ELMO1: variants seen among roughly 807,000 people sequenced by gnomAD.
ELMO1 encodes the protein engulfment and cell motility protein 1.
Under a neutral mutation model 98.9 loss-of-function variants are expected in ELMO1, and 26 were observed. The ratio of observed to expected loss-of-function variants is 0.26; its 90% confidence interval spans 0.19 to 0.36. The LOEUF (loss-of-function observed/expected upper bound fraction) is 0.36, where lower values mean the gene tolerates loss of function less well. ELMO1 is among the 10% of genes least tolerant of loss of function. The pLI, the probability that ELMO1 is intolerant of heterozygous loss-of-function variation, is 1.00. For missense variants in ELMO1, 627 were observed against 935.2 expected (o/e 0.67, Z 4.30); for synonymous variants, 346 against 346.0 (o/e 1.00, Z 0.00).
In ELMO1 at chr7:37,083,900, G is replaced by A. The variant is rs570190304; in HGVS notation, c.1300+12719C>T. Among the ~76,000 whole-genome samples the A allele has an allele frequency of 1.1e-4, 16 of 152,296 alleles. No homozygotes were observed. The South Asian group carries it at 3.3e-3, about 32-fold the overall frequency. On this transcript the variant is annotated intron_variant, in intron 15 of 21. Transcript: ENST00000310758. ...TTACTGGCCTCTCGGAGTCCTCACTGGAGTCCTGCCTAGAACAGAGATTGA... is the reference window on the plus strand; with the variant it reads ...TTACTGGCCTCTCGGAGTCCTCACTAGAGTCCTGCCTAGAACAGAGATTGA...
At chr7:37,445,116 C>T (rs1484043008) in intron 1 of ELMO1, among the ~76,000 whole-genome samples, 1 of 152,188 alleles carries the variant, frequency 6.6e-6, no homozygotes, top group East Asian at 1.9e-4. Flanking sequence ...CCACTCTTCT[C>T]TTTCACATTT....
At chr7:36,917,734 C>T (rs1784812864) in intron 16 of ELMO1, among the ~76,000 whole-genome samples, 1 of 152,212 alleles carries the variant, frequency 6.6e-6, no homozygotes, top group South Asian at 2.1e-4. Flanking sequence ...CAGGATCCAA[C>T]TCCTGGACAC....
Position 37,403,341 on chromosome 7 carries a change from G to T in ELMO1, c.-74+45334C>A, listed in dbSNP as rs116124358. The stretch of plus-strand genomic sequence containing the variant: ...GAGAGGGTGAGGTAGGAGGATCACT[G>T]GAAGCCAAGGTTTGAGACCAGCCTG... On this transcript the variant is annotated intron_variant, in intron 1 of 21. Coordinates refer to ENST00000310758, the MANE Select transcript of ELMO1 (RefSeq NM_014800.11). Among the ~76,000 whole-genome samples the T allele has an allele frequency of 8.3e-3, 1,265 of 152,164 alleles. 25 individuals carry two copies. The highest frequency in any genetic ancestry group is 0.029 in the African/African-American group (1,198 of 41,488).
chr7:37,017,955 C>T (rs1794039038), intron 15 of ELMO1, among the ~76,000 whole-genome samples: 1 of 152,006 alleles, frequency 6.6e-6, no homozygotes, highest in African/African-American at 2.4e-5. Flanking sequence ...TGTGATGCCC[C>T]CTAGCGTGCC....
chr7:36,877,290 T>C (rs1804061375), intron 19 of ELMO1, among the ~76,000 whole-genome samples: 1 of 152,228 alleles, frequency 6.6e-6, no homozygotes, highest in Non-Finnish European at 1.5e-5. Context: ...GTTCATTTTA[T>C]CTCATTTCTC....
intron 16 of ELMO1, among the ~76,000 whole-genome samples, chr7:36,936,307 A>G (rs1786523601): frequency 6.6e-6 from 1 of 152,082 alleles, no homozygotes; most frequent in African/African-American, 2.4e-5. Context: ...CCCCCTTACT[A>G]GCCACTGAGC....
chr7:37,079,592 CCACTCCGGTGAAATCACTCTTGT>C (rs1797756131), intron 15 of ELMO1, among the ~76,000 whole-genome samples: 1 of 152,160 alleles, frequency 6.6e-6, no homozygotes, highest in African/African-American at 2.4e-5. Flanking sequence ...CTCTCCTCCC[CCACTCCGGTGAAATCACTCTTGT>C]TCAGGTCACC....
chr7:37,222,764 T>C (rs751462104), intron 9 of ELMO1, 71 bp from the exon 10 acceptor site: 762 of 1,439,478 alleles, frequency 5.3e-4, no homozygotes, highest in Middle Eastern at 9.0e-4. Flanking sequence ...GGTCAAACCA[T>C]GAAAAGGCTC....
chr7:37,399,657 A>G (rs1020826251), intron 1 of ELMO1, among the ~76,000 whole-genome samples: 15 of 152,232 alleles, frequency 9.9e-5, no homozygotes, highest in Non-Finnish European at 1.9e-4. Flanking sequence ...AGTATTCAGA[A>G]TACGCTGAGT....
intron 6 of ELMO1, among the ~76,000 whole-genome samples, chr7:37,246,824 ATATATATCTG>A (rs1399256408): frequency 2.6e-5 from 4 of 152,012 alleles, no homozygotes; most frequent in Non-Finnish European, 5.9e-5. Context: ...ATCTATCTAT[ATATATATCTG>A]TATATATCTG....
intron 16 of ELMO1, among the ~76,000 whole-genome samples, chr7:37,012,792 G>A (rs1793646738): frequency 6.6e-6 from 1 of 152,120 alleles, no homozygotes; most frequent in South Asian, 2.1e-4. Flanking sequence ...TCTTGGAAAG[G>A]GATCTTTCAT....
chr7:37,078,836 G>C (rs974825613), intron 15 of ELMO1, among the ~76,000 whole-genome samples: 1 of 151,950 alleles, frequency 6.6e-6, no homozygotes, highest in Non-Finnish European at 1.5e-5. Context: ...TTATATTTTT[G>C]TTATCGTGGA....
intron 14 of ELMO1, among the ~76,000 whole-genome samples, chr7:37,107,073 C>A (rs541212714): frequency 6.6e-6 from 1 of 152,166 alleles, no homozygotes; most frequent in Non-Finnish European, 1.5e-5. Context: ...CAGTGTATTA[C>A]CCTTTGACCA....
At chr7:36,886,860 T>G (rs1805052934) in intron 18 of ELMO1, among the ~76,000 whole-genome samples, 1 of 152,186 alleles carries the variant, frequency 6.6e-6, no homozygotes, top group Non-Finnish European at 1.5e-5. Flanking sequence ...CTTGAGAAAT[T>G]ATGTAAGTGA....
intron 18 of ELMO1, among the ~76,000 whole-genome samples, chr7:36,885,260 A>G (rs575510955): frequency 1.3e-5 from 2 of 152,198 alleles, no homozygotes; most frequent in Admixed American, 1.3e-4. Context: ...TTTTTTGTTC[A>G]GGGGTAGTTC....
chr7:37,008,233 A>G (rs1329514840), intron 16 of ELMO1, among the ~76,000 whole-genome samples: 2 of 152,244 alleles, frequency 1.3e-5, no homozygotes, highest in Non-Finnish European at 2.9e-5. Flanking sequence ...CAGCGAAGAG[A>G]TCTGGGCAAC....
chr7:37,278,707 C>G (rs567908404), intron 4 of ELMO1, among the ~76,000 whole-genome samples: 39 of 152,300 alleles, frequency 2.6e-4, no homozygotes, highest in African/African-American at 9.1e-4. Flanking sequence ...ACATCTCCTA[C>G]TGGTACTGCA....
intron 1 of ELMO1, among the ~76,000 whole-genome samples, chr7:37,390,018 GTC>G: frequency 1.3e-5 from 2 of 152,090 alleles, no homozygotes; most frequent in Middle Eastern, 6.8e-3. Flanking sequence ...CCCCTGAGAA[GTC>G]ACCCATGCTC....
At chr7:36,877,842 G>T (rs1295927191) in intron 19 of ELMO1, among the ~76,000 whole-genome samples, 168 bp downstream of exon 19, 1 of 152,138 alleles carries the variant, frequency 6.6e-6, no homozygotes, top group Non-Finnish European at 1.5e-5. Flanking sequence ...CAAACCCCAA[G>T]TCCATCCAGG....
Sources: gnomAD v4.1 joint callset for allele counts (sites outside exome capture counted in the v4.1 genomes callset) on GRCh38, gnomAD v4.1.1 for gene constraint, MANE v1.5 for transcripts, NCBI Gene and HGNC (gene_info 2026-07-23, HGNC 2026-07-21) for gene names.